RSU1: variants seen among roughly 807,000 people sequenced by gnomAD.
RSU1 encodes the protein rsu-1.
In RSU1, 26 loss-of-function variants were observed where a neutral mutation model predicts 31.1. The observed-to-expected ratio is 0.84, with a 90% CI of 0.61 to 1.16. RSU1 has a LOEUF of 1.16. Among genes scored for constraint, RSU1 ranks in the 50% most tolerant of loss-of-function variants. The probability of loss-of-function intolerance (pLI) is 0.00; values close to 1 mark genes in which losing one functional copy is unlikely to be tolerated. For missense variants in RSU1, 320 were observed against 339.1 expected (o/e 0.94, Z 0.44); for synonymous variants, 164 against 136.3 (o/e 1.20, Z -1.41).
At chr10:16,705,413 T>C (rs981004720) in intron 7 of RSU1, among the ~76,000 whole-genome samples, 1 of 152,344 alleles carries the variant, frequency 6.6e-6, no homozygotes, top group South Asian at 2.1e-4. Flanking sequence ...AAATGTGACA[T>C]AAATGATTTT....
intron 8 of RSU1, among the ~76,000 whole-genome samples, chr10:16,626,251 A>G (rs368623723): frequency 7.9e-5 from 12 of 151,948 alleles, no homozygotes; most frequent in East Asian, 1.9e-4. Flanking sequence ...GGGTCTCCCT[A>G]TGTTGTCTGG....
intron 3 of RSU1, 55 bp downstream of exon 3, chr10:16,781,979 T>A: frequency 7.0e-7 from 1 of 1,430,616 alleles, no homozygotes; most frequent in Non-Finnish European, 9.8e-7. Flanking sequence ...GACTCAGCAG[T>A]GCCATAGGAT....
At chr10:16,737,696 G>A (rs544848246) in intron 7 of RSU1, among the ~76,000 whole-genome samples, 5 of 151,932 alleles carry the variant, frequency 3.3e-5, no homozygotes, top group East Asian at 1.9e-4. Context: ...ATAGAGAAGC[G>A]GCAGTCAATG....
At chr10:16,757,170 C>G (rs3780985) in intron 4 of RSU1, among the ~76,000 whole-genome samples, 6,775 of 151,782 alleles carry the variant, frequency 0.045, 181 homozygotes, top group East Asian at 0.085. Context: ...TTTTTCTACA[C>G]TATCTTTTAT....
chr10:16,715,466 G>A (rs758383358), intron 7 of RSU1, among the ~76,000 whole-genome samples: 5 of 152,046 alleles, frequency 3.3e-5, no homozygotes, highest in Admixed American at 6.5e-5. Flanking sequence ...TATTCATTTT[G>A]AGTTAATTCT....
intron 7 of RSU1, among the ~76,000 whole-genome samples, chr10:16,742,000 T>C (rs775855631): frequency 6.6e-6 from 1 of 152,076 alleles, no homozygotes; most frequent in Non-Finnish European, 1.5e-5. Context: ...ATAATGTATA[T>C]GGGGTTGGAA....
intron 7 of RSU1, among the ~76,000 whole-genome samples, chr10:16,706,979 A>T (rs1325691352): frequency 6.8e-6 from 1 of 147,712 alleles, no homozygotes; most frequent in Non-Finnish European, 1.5e-5. Context: ...AAAAGATCTC[A>T]TATGAGTGGG....
At chr10:16,663,404 C>G (rs187471310) in intron 8 of RSU1, among the ~76,000 whole-genome samples, 8 of 152,282 alleles carry the variant, frequency 5.3e-5, no homozygotes, top group African/African-American at 1.9e-4. Flanking sequence ...AATTTGCTTA[C>G]TTGGGAGTCT....
chr10:16,778,826 G>C (rs1837594888), intron 3 of RSU1, among the ~76,000 whole-genome samples: 1 of 152,196 alleles, frequency 6.6e-6, no homozygotes, highest in African/African-American at 2.4e-5. Flanking sequence ...GGGCAGATTA[G>C]GGCAGTTTCT....
At chr10:16,806,575 T>C (rs1838271865) in intron 2 of RSU1, among the ~76,000 whole-genome samples, 1 of 152,178 alleles carries the variant, frequency 6.6e-6, no homozygotes, top group Non-Finnish European at 1.5e-5. Flanking sequence ...TGGTATGTGG[T>C]AAATGTGTGC....
chr10:16,609,177 A>C (rs974656935), intron 8 of RSU1, among the ~76,000 whole-genome samples: 3 of 152,144 alleles, frequency 2.0e-5, no homozygotes, highest in African/African-American at 4.8e-5. Flanking sequence ...ATCTCAGAAA[A>C]ATGTATGGTC....
At chr10:16,778,699 G>A (rs1411295090) in intron 3 of RSU1, among the ~76,000 whole-genome samples, 2 of 152,144 alleles carry the variant, frequency 1.3e-5, no homozygotes, top group Non-Finnish European at 2.9e-5. Flanking sequence ...GAGGAGGAGG[G>A]AGGAGGAGAG....
intron 8 of RSU1, among the ~76,000 whole-genome samples, chr10:16,690,766 G>GT (rs1835533369): frequency 6.6e-6 from 1 of 152,110 alleles, no homozygotes. Flanking sequence ...AAACATTCCG[G>GT]TAAGTTTTTT....
chr10:16,617,312 A>AC (rs1232579334), intron 8 of RSU1, among the ~76,000 whole-genome samples: 2 of 152,180 alleles, frequency 1.3e-5, no homozygotes, highest in Non-Finnish European at 2.9e-5. Flanking sequence ...AGAACTACAA[A>AC]CCACTGCTCA....
chr10:16,632,594 G>A (rs549108572), intron 8 of RSU1, among the ~76,000 whole-genome samples: 2 of 152,230 alleles, frequency 1.3e-5, no homozygotes, highest in Admixed American at 6.5e-5. Context: ...GATTTTCCAC[G>A]AATTCTTTCT....
chr10:16,697,669 A>G (rs1311134373), intron 7 of RSU1, among the ~76,000 whole-genome samples: 4 of 152,108 alleles, frequency 2.6e-5, no homozygotes, highest in South Asian at 2.1e-4. Flanking sequence ...CTTAAAAAAA[A>G]AAAAAGAAAA....
chr10:16,732,110 C>G lies in RSU1; in HGVS notation c.598+20429G>C, dbSNP rs562970616. On this transcript the variant is annotated intron_variant, in intron 7 of 8. Coordinates refer to ENST00000345264, the MANE Select transcript of RSU1 (RefSeq NM_012425.4). ...ACCCAACTAGTCACAGAAGACCTAA[C>G]TGAATGAAAAGCAGTTCTGATGAGT... Among the ~76,000 whole-genome samples, 16 of 72,200 alleles carry G rather than the reference C, an allele frequency of 2.2e-4. No individual in the cohort carries two copies. In the South Asian group the frequency reaches 6.7e-3, roughly 30 times the overall value. 47.4% of individuals were successfully genotyped at this position (72,200 alleles called of 152,430 possible).
chr10:16,744,142 A>G (rs559860607), intron 7 of RSU1, among the ~76,000 whole-genome samples: 17 of 152,090 alleles, frequency 1.1e-4, no homozygotes, highest in Non-Finnish European at 2.2e-4. Context: ...AAAAAAAAAA[A>G]AAAGAAAGAA....
chr10:16,707,424 G>A (rs1434556207), intron 7 of RSU1, among the ~76,000 whole-genome samples: 1 of 152,134 alleles, frequency 6.6e-6, no homozygotes, highest in Non-Finnish European at 1.5e-5. Context: ...ATGCTAACTG[G>A]AGTGAGGTGG....
Sources: gnomAD v4.1 joint callset for allele counts (sites outside exome capture counted in the v4.1 genomes callset) on GRCh38, gnomAD v4.1.1 for gene constraint, MANE v1.5 for transcripts, NCBI Gene and HGNC (gene_info 2026-07-23, HGNC 2026-07-21) for gene names.